KLHL13: variants seen among roughly 807,000 people sequenced by gnomAD.
KLHL13 encodes kelch-like protein 13.
KLHL13 carries 10 observed loss-of-function variants against 37.1 expected under a neutral mutation model. The ratio of observed to expected loss-of-function variants is 0.27; its 90% CI spans 0.17 to 0.46. The LOEUF (loss-of-function observed/expected upper bound fraction) is 0.46, where lower values mean the gene tolerates loss of function less well. Ranked by LOEUF, KLHL13 falls within the 20% of genes least tolerant of loss-of-function variation. The probability of loss-of-function intolerance (pLI) is 1.00; values close to 1 mark genes in which losing one functional copy is unlikely to be tolerated. For synonymous variants in KLHL13, 163 were observed against 181.2 expected (o/e 0.90, Z 0.81); for missense variants, 360 against 509.3 (o/e 0.71, Z 2.82).
chrX:117,929,383 G>A (rs1932263555), intron 2 of KLHL13, among the ~76,000 whole-genome samples: 1 of 110,944 alleles, frequency 9.0e-6, no homozygotes, highest in African/African-American at 3.3e-5. Flanking sequence ...AGAAAGCCAA[G>A]ATCAAAATCC....
intron 1 of KLHL13, among the ~76,000 whole-genome samples, chrX:118,053,851 A>AG (rs2054653485): frequency 1.9e-5 from 1 of 52,519 alleles, no homozygotes; most frequent in African/African-American, 8.4e-5. Flanking sequence ...GAGAGAGAGG[A>AG]GAGAGAGAGA....
intron 1 of KLHL13, among the ~76,000 whole-genome samples, chrX:118,051,269 G>A (rs145440874): frequency 0.018 from 1,996 of 110,690 alleles, 43 homozygotes; most frequent in African/African-American, 0.06. Flanking sequence ...GGCCGGGTAC[G>A]GTGGCTCACA....
chrX:117,938,251 C>A (rs1932876381), intron 2 of KLHL13, among the ~76,000 whole-genome samples: 1 of 111,315 alleles, frequency 9.0e-6, no homozygotes, highest in South Asian at 3.8e-4. Flanking sequence ...CAACATATTT[C>A]ATGCAACGAT....
upstream of KLHL13, chrX:118,116,816 G>C (rs978500624): frequency 7.9e-5 from 8 of 101,571 alleles, no homozygotes; most frequent in Non-Finnish European, 1.6e-4. Context: ...GGTGTGGGGG[G>C]GCTGCTGAGG....
intron 1 of KLHL13, among the ~76,000 whole-genome samples, chrX:118,105,480 G>A (rs2055335932): frequency 8.9e-6 from 1 of 112,698 alleles, no homozygotes; most frequent in Admixed American, 9.3e-5. Flanking sequence ...CTACCTCATA[G>A]TATTGTTATG....
At chrX:118,006,603 G>A (rs754835967) in intron 1 of KLHL13, among the ~76,000 whole-genome samples, 1 of 112,167 alleles carries the variant, frequency 8.9e-6, no homozygotes, top group South Asian at 3.7e-4. Flanking sequence ...TCTGCCTTCA[G>A]CTCCTTTCAA....
chrX:118,105,426 A>G (rs2497852), intron 1 of KLHL13, among the ~76,000 whole-genome samples: 29,097 of 112,028 alleles, frequency 0.26, 6,255 homozygotes, highest in African/African-American at 0.73. Flanking sequence ...CAGCATCTAT[A>G]TGCCTCAGTT....
chrX:118,011,451 G>C (rs767811009), intron 1 of KLHL13, among the ~76,000 whole-genome samples: 1 of 108,119 alleles, frequency 9.2e-6, no homozygotes, highest in Non-Finnish European at 1.9e-5. Flanking sequence ...ACTGTCAGGG[G>C]AGAAGGGGAG....
intron 1 of KLHL13, among the ~76,000 whole-genome samples, chrX:118,014,781 G>T (rs1174502214): frequency 2.7e-5 from 3 of 111,860 alleles, no homozygotes; most frequent in African/African-American, 9.8e-5. Context: ...TGAAATATTG[G>T]GGGCTGATTC....
rs1259425244 is a variant in KLHL13, at chrX:118,103,232, A to T, written c.-56+13276T>A. 3.6e-5 allele frequency among the ~76,000 whole-genome samples: 4 copies of T among 111,956 alleles called. No individual in the cohort carries two copies. The Admixed American group carries it at 3.8e-4, about 11-fold the overall frequency. On this transcript the variant is annotated intron_variant, in intron 1 of 6. Transcript: ENST00000371882. ...AGGAGCTTTCATCTAATTAATATAAAGGTATGCATAGATTTTTTATTCTAG... is the reference window on the plus strand; with the variant it reads ...AGGAGCTTTCATCTAATTAATATAATGGTATGCATAGATTTTTTATTCTAG...
chrX:118,074,633 A>C (rs992620952), intron 1 of KLHL13, among the ~76,000 whole-genome samples: 20 of 111,936 alleles, frequency 1.8e-4, no homozygotes, highest in African/African-American at 6.5e-4. Context: ...CTTATTGTCA[A>C]GTTGTAAACT....
intron 1 of KLHL13, among the ~76,000 whole-genome samples, chrX:118,048,388 C>A (rs2054581029): frequency 9.1e-6 from 1 of 110,493 alleles, no homozygotes; most frequent in Non-Finnish European, 1.9e-5. Context: ...TGATAAATAC[C>A]AAATTTTGGA....
At chrX:118,001,691 G>A (rs753363506) in intron 1 of KLHL13, among the ~76,000 whole-genome samples, 7 of 109,609 alleles carry the variant, frequency 6.4e-5, no homozygotes, top group Admixed American at 9.8e-5. Context: ...TGATGAAACC[G>A]TGTCTCTACC....
chrX:118,043,915 A>T (rs1194288259), intron 1 of KLHL13, among the ~76,000 whole-genome samples: 1 of 112,093 alleles, frequency 8.9e-6, no homozygotes, highest in Non-Finnish European at 1.9e-5. Context: ...AGAGAAAGAA[A>T]TAAAGGCTTA....
chrX:118,025,585 C>T (rs906615421), intron 1 of KLHL13, among the ~76,000 whole-genome samples: 3 of 110,902 alleles, frequency 2.7e-5, no homozygotes, highest in Non-Finnish European at 5.7e-5. Flanking sequence ...ATACTGGTGA[C>T]TTGGATATAT....
upstream of KLHL13, among the ~76,000 whole-genome samples, chrX:117,977,253 C>G (rs1295239237): frequency 8.9e-6 from 1 of 111,960 alleles, no homozygotes; most frequent in African/African-American, 3.2e-5. Context: ...GCATGAAGAA[C>G]CATTTCCAAA....
chrX:118,110,891 G>A (rs1300947550), intron 1 of KLHL13, among the ~76,000 whole-genome samples: 2 of 111,845 alleles, frequency 1.8e-5, no homozygotes, highest in East Asian at 2.8e-4. Flanking sequence ...GGTACCAGAT[G>A]AGAGTACTAA....
chrX:118,032,917 C>T (rs911586009), intron 1 of KLHL13, among the ~76,000 whole-genome samples: 2 of 111,574 alleles, frequency 1.8e-5, no homozygotes, highest in African/African-American at 6.5e-5. Context: ...GAGCTGAAAA[C>T]CAAGGCTTGA....
In KLHL13 at chrX:118,026,448, A is replaced by G. The variant is rs926982449; in HGVS notation, c.-55-80873T>C. Among the ~76,000 whole-genome samples, 4 of 111,724 alleles carry G rather than the reference A, an allele frequency of 3.6e-5. No individual in the cohort carries two copies. In the Admixed American group the frequency reaches 3.8e-4, roughly 11 times the overall value. ...GAGTATAAGACATCAGTTTGAAAAG[A>G]GCCTCTATCAAAGCAACATGAATTC... On this transcript the variant is annotated intron_variant, in intron 1 of 6. Transcript: ENST00000371882.
Sources: allele counts gnomAD v4.1 joint callset (sites outside exome capture counted in the v4.1 genomes callset), GRCh38; gene constraint gnomAD v4.1.1; transcripts MANE v1.5; gene names NCBI Gene and HGNC (gene_info 2026-07-23, HGNC 2026-07-21).